PLG: variants seen among roughly 807,000 people sequenced by gnomAD.
PLG encodes the protein plasmin.
A neutral mutation model predicts 104.4 loss-of-function variants in PLG; 41 were observed. The ratio of observed to expected loss-of-function variants is 0.39; its 90% CI spans 0.31 to 0.51. The LOEUF (loss-of-function observed/expected upper bound fraction) is 0.51. PLG is among the 20% of genes least tolerant of loss of function. The probability of loss-of-function intolerance (pLI) is 0.76; values close to 1 mark genes in which losing one functional copy is unlikely to be tolerated. For missense variants in PLG, 891 were observed against 1,003.6 expected, an observed-to-expected ratio of 0.89 and a Z score of 1.52; for synonymous variants, 337 against 357.1, an observed-to-expected ratio of 0.94 and a Z score of 0.63.
At chr6:160,712,744 A>G (rs1181355401) in intron 4 of PLG, among the ~76,000 whole-genome samples, 1 of 152,184 alleles carries the variant, frequency 6.6e-6, no homozygotes, top group East Asian at 1.9e-4. Context: ...ACTGTGCAAT[A>G]AAAATATTTT....
At chr6:160,711,640 T>C (rs1436724224) in intron 4 of PLG, 1 of 1,610,672 alleles carries the variant, frequency 6.2e-7, no homozygotes, top group Non-Finnish European at 8.5e-7. Flanking sequence ...TAGTAGAACA[T>C]GGTTGCTTTC....
At position 160,753,547 on chromosome 6, in the gene PLG, T is replaced by C. The variant is rs783169; in HGVS notation, c.*486T>C. 0.54 allele frequency among the ~76,000 whole-genome samples: 81,925 copies of C among 151,968 alleles called. 22,986 individuals carry two copies. Among genetic ancestry groups the C allele is most frequent in the East Asian group, 0.98 (5,062 of 5,164 alleles). The stretch of plus-strand genomic sequence containing the variant: ...TGAATGTTTTCAAAGCTGCAACATG[T>C]ATGGGGAGTCATGCAAACCGATTCT... On this transcript the variant is annotated 3_prime_UTR_variant, in exon 19 of 19. Coordinates refer to ENST00000308192, the MANE Select transcript of PLG (RefSeq NM_000301.5). This position sits in a 1 kb window ranked among gnomAD's most constrained non-coding sequence, Gnocchi z 5.4.
At chr6:160,718,225 T>TGGGCG (rs1425233912) in intron 7 of PLG, 69 bp from the exon 8 acceptor site, 6 of 1,388,286 alleles carry the variant, frequency 4.3e-6, no homozygotes, top group Admixed American at 1.7e-5. Context: ...GACTCCAGCC[T>TGGGCG]GGGCGACAGA....
In PLG at chr6:160,741,228, G is replaced by T. The variant is rs1482487961; in HGVS notation, c.2019-83G>T. 9 of 927,044 alleles carry T rather than the reference G, an allele frequency of 9.7e-6. No individual in the cohort carries two copies. In the Admixed American group the frequency reaches 1.4e-4, roughly 14 times the overall value. 57.4% of individuals were successfully genotyped at this position (927,044 alleles called of 1,614,324 possible). A position where few individuals can be genotyped will look rare whatever the true frequency, so the allele number is the denominator to read the frequency against. On this transcript the variant is annotated intron_variant, in intron 16 of 18. Coordinates refer to ENST00000308192, the MANE Select transcript of PLG (RefSeq NM_000301.5). This position sits in a 1 kb window ranked among gnomAD's most constrained non-coding sequence, Gnocchi z 4.7. The stretch of plus-strand genomic sequence containing the variant: ...CAGTGCCAGTTCAGAGGGCTCTGGG[G>T]CCTCAAGACAGGGATGACTGGTTGT...
chr6:160,706,408 T>G lies in PLG; in HGVS notation c.51T>G (p.Gly17=), dbSNP rs1338711298. Residue 17 remains glycine, a splice_region_variant and synonymous_variant, in exon 2 of 19, where the codon GGT becomes GGG. Coordinates refer to ENST00000308192, the MANE Select transcript of PLG (RefSeq NM_000301.5). The stretch of plus-strand genomic sequence containing the variant: ...TCCACTTGGATCTCCCACCTCTAGG[T>G]CAAGGAGAGCCTCTGGATGACTATG... ...VLLLLLFLKS[G]QGEPLDDYVN... is the part of the protein sequence containing the mutation. 6.2e-7 allele frequency: 1 copy of G among 1,612,892 alleles called. No individual in the cohort carries two copies. Among genetic ancestry groups the G allele is most frequent in the Non-Finnish European group, 8.5e-7 (1 of 1,179,454 alleles).
At position 160,722,539 on chromosome 6, in the gene PLG, C is replaced by A. The variant is rs1177581207; in HGVS notation, c.1228C>A (p.Gln410Lys). 6.2e-7 allele frequency: 1 copy of A among 1,613,810 alleles called. No individual in the cohort carries two copies. Among genetic ancestry groups the A allele is most frequent in the Admixed American group, 1.7e-5 (1 of 59,996 alleles). The change falls in exon 10 of 19, where the codon CAG (glutamine) becomes AAG (lysine). Residue 410 changes from glutamine to lysine, a missense_variant. Coordinates refer to ENST00000308192, the MANE Select transcript of PLG (RefSeq NM_000301.5). ...GTCATCTATGACACCACACCGGCAC[C>A]AGAAGACCCCAGAAAACTACCCAAA... ...SWSSMTPHRH[Q>K]KTPENYPNAG...
Position 160,735,478 on chromosome 6 carries a change from C to T in PLG, c.1681+1390C>T, listed in dbSNP as rs1778072773. On this transcript the variant is annotated intron_variant, in intron 13 of 18. Coordinates refer to ENST00000308192, the MANE Select transcript of PLG (RefSeq NM_000301.5). This position sits in a 1 kb window ranked among gnomAD's most constrained non-coding sequence, Gnocchi z 5.4. ...TTGGAGAAAGAAGGAAGAATGGGAACAAGATTTTTCCCAAAGGACTGTGAG... is the reference window on the plus strand; with the variant it reads ...TTGGAGAAAGAAGGAAGAATGGGAATAAGATTTTTCCCAAAGGACTGTGAG... 6.6e-6 allele frequency among the ~76,000 whole-genome samples: 1 copy of T among 152,156 alleles called. No homozygotes were observed. The highest frequency in any genetic ancestry group is 1.9e-4 in the East Asian group (1 of 5,190).
rs1777923321 is a variant in PLG at position 160,726,434 on chromosome 6, A to C, written c.1256+3867A>C. The stretch of plus-strand genomic sequence containing the variant: ...TTCGTATGATGCAGCGAATGTTTTT[A>C]GGGTTTTATAACTTTAAATGCTTTC... On this transcript the variant is annotated intron_variant, in intron 10 of 18. Coordinates refer to ENST00000308192, the MANE Select transcript of PLG (RefSeq NM_000301.5). This position sits in a 1 kb window ranked among gnomAD's most constrained non-coding sequence, Gnocchi z 4.4. Among the ~76,000 whole-genome samples the C allele has an allele frequency of 6.6e-6, 1 of 152,112 alleles. No individual in the cohort carries two copies. Among genetic ancestry groups the C allele is most frequent in the Non-Finnish European group, 1.5e-5 (1 of 67,946 alleles).
chr6:160,726,875 A>G lies in PLG; in HGVS notation c.1257-4176A>G, dbSNP rs1213954280. On this transcript the variant is annotated intron_variant, in intron 10 of 18. Coordinates refer to ENST00000308192, the MANE Select transcript of PLG (RefSeq NM_000301.5). The surrounding 1 kb of genome is among the most constrained non-coding windows in gnomAD (Gnocchi z 4.4). ...TTGATTTAAGATAACTTAAACATCTAGAAAAGGAGAAGCAAATAAGATCCA... is the reference window on the plus strand; with the variant it reads ...TTGATTTAAGATAACTTAAACATCTGGAAAAGGAGAAGCAAATAAGATCCA... 6.6e-6 allele frequency among the ~76,000 whole-genome samples: 1 copy of G among 152,008 alleles called. No homozygotes were observed. The highest frequency in any genetic ancestry group is 1.5e-5 in the Non-Finnish European group (1 of 67,862).
intron 5 of PLG, among the ~76,000 whole-genome samples, 160 bp from the exon 6 acceptor site, chr6:160,714,634 C>G (rs560919229): frequency 2.0e-4 from 29 of 143,776 alleles, no homozygotes; most frequent in Admixed American, 5.5e-4. Flanking sequence ...AATCCTGAGT[C>G]CTTATTGCCA....
chr6:160,738,921 C>A lies in PLG; in HGVS notation c.1878-147C>A, dbSNP rs562388423. ...ACATTCCTTAACTGCCTGTTTCAAG[C>A]AAATCATGAATTTTGCTTCTTGCCA... On this transcript the variant is annotated intron_variant, in intron 15 of 18. Transcript: ENST00000308192. The surrounding 1 kb of genome is among the most constrained non-coding windows in gnomAD (Gnocchi z 6.8). 4 of 920,334 alleles carry A rather than the reference C, an allele frequency of 4.3e-6. No homozygotes were observed. In the African/African-American group the frequency reaches 4.9e-5, roughly 11 times the overall value. 57.0% of individuals were successfully genotyped at this position (920,334 alleles called of 1,614,324 possible). A position where few individuals can be genotyped will look rare whatever the true frequency, so the allele number is the denominator to read the frequency against.
In PLG at chr6:160,711,107, G is replaced by C. The variant is rs545865924; in HGVS notation, c.323G>C (p.Gly108Ala). ...CTCTCAGAGTGCAAGACTGGGAATG[G>C]AAAGAACTACAGAGGGACGATGTCC... ...VYLSECKTGN[G>A]KNYRGTMSKT... The change falls in exon 4 of 19, where the codon GGA becomes GCA. Residue 108 changes from glycine (G) to alanine (A), a missense_variant. By Grantham distance (60) the Gly-to-Ala change is moderately conservative. Transcript: ENST00000308192. 1.9e-6 allele frequency: 3 copies of C among 1,612,236 alleles called. No individual in the cohort carries two copies. The highest frequency in any genetic ancestry group is 3.3e-5 in the Admixed American group (2 of 60,010).
At position 160,724,335 on chromosome 6, in the gene PLG, T is replaced by C. The variant is rs1777891216; in HGVS notation, c.1256+1768T>C. Reference sequence around the variant, plus strand: ...AGTGCATGTTTAATGAAAAATGTACTGGCTACCCTTACCATCAGGTTAGAC... The same window carrying C: ...AGTGCATGTTTAATGAAAAATGTACCGGCTACCCTTACCATCAGGTTAGAC... On this transcript the variant is annotated intron_variant, in intron 10 of 18. Transcript: ENST00000308192. The surrounding 1 kb of genome is among the most constrained non-coding windows in gnomAD (Gnocchi z 5.0). Among the ~76,000 whole-genome samples, 1 of 152,190 alleles carries C rather than the reference T, an allele frequency of 6.6e-6. No homozygotes were observed. The highest frequency in any genetic ancestry group is 1.5e-5 in the Non-Finnish European group (1 of 68,026).
In PLG at chr6:160,738,891, C is replaced by G. The variant is rs1316513984; in HGVS notation, c.1878-177C>G. 6.6e-6 allele frequency among the ~76,000 whole-genome samples: 1 copy of G among 152,064 alleles called. No individual in the cohort carries two copies. Among genetic ancestry groups the G allele is most frequent in the Admixed American group, 6.5e-5 (1 of 15,276 alleles). Reference sequence around the variant, plus strand: ...TGTATCAGTCTCTGCCCAAACAGCCCAAGAACATTCCTTAACTGCCTGTTT... The same window carrying G: ...TGTATCAGTCTCTGCCCAAACAGCCGAAGAACATTCCTTAACTGCCTGTTT... On this transcript the variant is annotated intron_variant, in intron 15 of 18. Coordinates refer to ENST00000308192, the MANE Select transcript of PLG (RefSeq NM_000301.5). This position sits in a 1 kb window ranked among gnomAD's most constrained non-coding sequence, Gnocchi z 6.8.
Position 160,702,361 on chromosome 6 carries a change from A to G in PLG, c.49+8A>G, listed in dbSNP as rs1777432960. 1 of 1,591,296 alleles carries G rather than the reference A, an allele frequency of 6.3e-7. No homozygotes were observed. Among genetic ancestry groups the G allele is most frequent in the Admixed American group, 1.7e-5 (1 of 58,876 alleles). On this transcript the variant is annotated splice_region_variant and intron_variant, in intron 1 of 18. Coordinates refer to ENST00000308192, the MANE Select transcript of PLG (RefSeq NM_000301.5). ...TTTTATTTCTGAAATCAGGTAAGAC[A>G]TAGTTTTTTTAAATTATAAGAATTA...
Position 160,719,069 on chromosome 6 carries a change from G to A in PLG, c.1096+231G>A, listed in dbSNP as rs749764071. Among the ~76,000 whole-genome samples, 4 of 152,108 alleles carry A rather than the reference G, an allele frequency of 2.6e-5. No individual in the cohort carries two copies. Among genetic ancestry groups the A allele is most frequent in the Non-Finnish European group, 2.9e-5 (2 of 68,020 alleles). ...CTCTTGAAAAGAATGTGTCTTCTGC[G>A]GTTGTTGGGTGGGGTGTTCCCTCAA... On this transcript the variant is annotated intron_variant, in intron 9 of 18. Coordinates refer to ENST00000308192, the MANE Select transcript of PLG (RefSeq NM_000301.5). This position sits in a 1 kb window ranked among gnomAD's most constrained non-coding sequence, Gnocchi z 4.1.
At chr6:160,711,562 C>T (rs1326197801) in intron 4 of PLG, 1 of 1,607,166 alleles carries the variant, frequency 6.2e-7, no homozygotes, top group Non-Finnish European at 8.5e-7. Flanking sequence ...TTAATTCAAA[C>T]CACAATATGT....
intron 17 of PLG, among the ~76,000 whole-genome samples, chr6:160,748,442 AGGGAGGG>A (rs1778332074): frequency 3.2e-4 from 1 of 3,094 alleles, no homozygotes; most frequent in Non-Finnish European, 5.7e-4. Context: ...GAAAGAAAGA[AGGGAGGG>A]AGGGAGGGAG....
chr6:160,731,351 C>A lies in PLG; in HGVS notation c.1438+119C>A. On this transcript the variant is annotated intron_variant, in intron 11 of 18. Transcript: ENST00000308192. This position sits in a 1 kb window ranked among gnomAD's most constrained non-coding sequence, Gnocchi z 5.1. ...GAGAAATCAAGTGTTTTTAGAGGGT[C>A]TGCCATGTGGAAGGAAGCCTCAGTG... The A allele has an allele frequency of 1.1e-6, 1 of 946,002 alleles. No individual in the cohort carries two copies. The highest frequency in any genetic ancestry group is 1.7e-6 in the Non-Finnish European group (1 of 598,762). 58.6% of individuals were successfully genotyped at this position (946,002 alleles called of 1,614,324 possible). A position where few individuals can be genotyped will look rare whatever the true frequency, so the allele number is the denominator to read the frequency against.
Sources: allele counts gnomAD v4.1 joint callset (sites outside exome capture counted in the v4.1 genomes callset), GRCh38; gene constraint gnomAD v4.1.1; non-coding constraint Gnocchi (gnomAD v3.1); transcripts MANE v1.5; gene names NCBI Gene and HGNC (gene_info 2026-07-23, HGNC 2026-07-21).